SEMA3D: variants seen among roughly 807,000 people sequenced by gnomAD.
SEMA3D encodes the protein semaphorin 3D, also known as semaphorin-3D.
In SEMA3D, 84 loss-of-function variants were observed where a neutral mutation model predicts 100.1. The ratio of observed to expected loss-of-function variants is 0.84; its 90% confidence interval spans 0.70 to 1.01. The LOEUF (loss-of-function observed/expected upper bound fraction) is 1.01. Ranked by LOEUF, SEMA3D falls within the 50% of genes least tolerant of loss-of-function variation. SEMA3D has a pLI of 0.00. For synonymous variants in SEMA3D, 312 were observed against 320.7 expected (o/e 0.97, Z 0.29); for missense variants, 875 against 934.1 (o/e 0.94, Z 0.82).
chr7:85,018,975 T>C (rs1186490092), intron 14 of SEMA3D, among the ~76,000 whole-genome samples: 2 of 151,732 alleles, frequency 1.3e-5, no homozygotes, highest in African/African-American at 2.4e-5. Flanking sequence ...TATTTGCTAA[T>C]TGACAAGCAG....
intron 8 of SEMA3D, among the ~76,000 whole-genome samples, chr7:85,063,797 G>A (rs918401261): frequency 6.6e-6 from 1 of 152,098 alleles, no homozygotes; most frequent in African/African-American, 2.4e-5. Flanking sequence ...AGCCATCATG[G>A]TTTCAAGATA....
chr7:85,148,247 A>G (rs1349216324), intron 2 of SEMA3D, among the ~76,000 whole-genome samples: 1 of 152,200 alleles, frequency 6.6e-6, no homozygotes, highest in Non-Finnish European at 1.5e-5. Flanking sequence ...ATCTGTGAGA[A>G]TTCTCTGTCA....
At chr7:85,038,374 T>C (rs1354051969) in intron 11 of SEMA3D, among the ~76,000 whole-genome samples, 4 of 152,114 alleles carry the variant, frequency 2.6e-5, no homozygotes, top group Non-Finnish European at 5.9e-5. Flanking sequence ...GCCACAGAAA[T>C]CACAGAATCT....
intron 2 of SEMA3D, among the ~76,000 whole-genome samples, chr7:85,138,361 T>C (rs935648626): frequency 1.2e-4 from 18 of 151,918 alleles, no homozygotes; most frequent in African/African-American, 3.6e-4. Context: ...CGATCTCTGC[T>C]CACTGCAACC....
intron 18 of SEMA3D, among the ~76,000 whole-genome samples, chr7:85,004,035 A>C (rs1789727697): frequency 6.6e-6 from 1 of 152,116 alleles, no homozygotes; most frequent in South Asian, 2.1e-4. Flanking sequence ...AGATATAACA[A>C]AGTTCATTAT....
At chr7:85,064,085 G>T (rs1215781695) in intron 8 of SEMA3D, among the ~76,000 whole-genome samples, 1 of 152,108 alleles carries the variant, frequency 6.6e-6, no homozygotes, top group Non-Finnish European at 1.5e-5. Flanking sequence ...TACATTTATT[G>T]TATTGACAAT....
At chr7:85,140,975 T>C in intron 2 of SEMA3D, 1 of 620,160 alleles carries the variant, frequency 1.6e-6, no homozygotes, top group Non-Finnish European at 2.0e-6. Context: ...TACATAAATG[T>C]ATTTTACAAC....
At chr7:85,043,901 C>A (rs1790931427) in intron 9 of SEMA3D, among the ~76,000 whole-genome samples, 1 of 152,168 alleles carries the variant, frequency 6.6e-6, no homozygotes, top group East Asian at 1.9e-4. Flanking sequence ...TCCCCAGTTT[C>A]TAGTATGTCT....
At chr7:85,115,062 T>C (rs561760592) in intron 3 of SEMA3D, among the ~76,000 whole-genome samples, 76 of 152,358 alleles carry the variant, frequency 5.0e-4, no homozygotes, top group African/African-American at 1.7e-3. Context: ...ACATGTAATC[T>C]TCTTCAACTT....
At chr7:85,077,173 ACT>A (rs201930303) in intron 5 of SEMA3D, among the ~76,000 whole-genome samples, 2,058 of 151,854 alleles carry the variant, frequency 0.014, 48 homozygotes, top group African/African-American at 0.047. Context: ...AAATAGAAAA[ACT>A]CATATATCAC....
chr7:85,072,714 A>G (rs534640710), intron 6 of SEMA3D, among the ~76,000 whole-genome samples: 1 of 152,258 alleles, frequency 6.6e-6, no homozygotes, highest in South Asian at 2.1e-4. Context: ...TTCATAAACT[A>G]TTCATTTTTT....
intron 4 of SEMA3D, 105 bp downstream of exon 4, chr7:85,097,700 A>C (rs1334693147): frequency 3.4e-6 from 2 of 596,878 alleles, no homozygotes; most frequent in African/African-American, 1.9e-5. Flanking sequence ...TATGTGATGC[A>C]CTGCATTTGA....
chr7:85,080,672 G>T (rs1440679643), intron 5 of SEMA3D, among the ~76,000 whole-genome samples: 2 of 152,102 alleles, frequency 1.3e-5, no homozygotes, highest in Non-Finnish European at 2.9e-5. Context: ...CATAATGCAA[G>T]AAGTCAGGAC....
intron 9 of SEMA3D, chr7:85,050,877 A>G: frequency 5.1e-6 from 2 of 390,474 alleles, no homozygotes; most frequent in East Asian, 3.7e-5. Context: ...ACTACCATCA[A>G]CACCAACTTC....
the SEMA3D span, among the ~76,000 whole-genome samples, chr7:85,236,874 T>C: frequency 1.3e-5 from 2 of 152,170 alleles, no homozygotes; most frequent in Admixed American, 6.5e-5. Context: ...AGCTAAAGAA[T>C]TTTAAAAAAT....
rs902358406 is a variant in SEMA3D, at chr7:85,104,064, C to A, written c.152-6099G>T. ...CACAGGGAGAAATATATGTTTTCCA[C>A]ATGTAGTTAGTAATCATATTTAAAA... On this transcript the variant is annotated intron_variant, in intron 3 of 18. Coordinates refer to ENST00000284136, the MANE Select transcript of SEMA3D (RefSeq NM_001384900.1). 1.1e-4 allele frequency among the ~76,000 whole-genome samples: 17 copies of A among 152,154 alleles called. No individual in the cohort carries two copies. The East Asian group carries it at 3.3e-3, about 30-fold the overall frequency.
At chr7:85,240,228 T>A in the SEMA3D span, among the ~76,000 whole-genome samples, 1 of 152,162 alleles carries the variant, frequency 6.6e-6, no homozygotes, top group Non-Finnish European at 1.5e-5. Context: ...TTTTGTCAAG[T>A]GCATTTTCTG....
chr7:85,078,408 T>C (rs1232087576), intron 5 of SEMA3D, among the ~76,000 whole-genome samples: 1 of 152,116 alleles, frequency 6.6e-6, no homozygotes, highest in Non-Finnish European at 1.5e-5. Flanking sequence ...CGGAGGACGC[T>C]TTAACTTTGT....
intron 17 of SEMA3D, among the ~76,000 whole-genome samples, chr7:85,008,234 G>C (rs1460818921): frequency 6.6e-6 from 1 of 151,748 alleles, no homozygotes; most frequent in East Asian, 1.9e-4. Flanking sequence ...TGATTGTTGG[G>C]ATATGGGGCA....
Sources: allele counts gnomAD v4.1 joint callset (sites outside exome capture counted in the v4.1 genomes callset), GRCh38; gene constraint gnomAD v4.1.1; transcripts MANE v1.5; gene names NCBI Gene and HGNC (gene_info 2026-07-23, HGNC 2026-07-21).